Variants in EBF4 observed in about 807,000 individuals in gnomAD.
The protein encoded by EBF4 is EBF transcription factor 4.
In EBF4, 34 loss-of-function variants were observed where a neutral mutation model predicts 67.1. That is an observed-to-expected ratio of 0.51 (90% CI 0.39 to 0.67). The LOEUF is 0.67. Among genes scored for constraint, EBF4 ranks in the 30% least tolerant of loss-of-function variants. EBF4 has a pLI of 0.00. For missense variants in EBF4, 837 were observed against 873.3 expected, an observed-to-expected ratio of 0.96 and a Z score of 0.52; for synonymous variants, 387 against 377.7, an observed-to-expected ratio of 1.02 and a Z score of -0.29.
chr20:2,719,423 C>A (rs1394482816), intron 6 of EBF4, among the ~76,000 whole-genome samples: 1 of 152,130 alleles, frequency 6.6e-6, no homozygotes, highest in Non-Finnish European at 1.5e-5. Context: ...TAAAGGTGCC[C>A]ACCACCACGC....
In EBF4 at chr20:2,697,270, G is replaced by A. The variant is rs540503176; in HGVS notation, c.137+3488G>A. 1.2e-3 allele frequency among the ~76,000 whole-genome samples: 184 copies of A among 152,340 alleles called. 1 individual carries two copies. Among genetic ancestry groups the A allele is most frequent in the Non-Finnish European group, 2.4e-3 (165 of 68,038 alleles). ...GCAAAAGAGGGGTAGGGAGGGCCGG[G>A]TGCGATGGCTCACGCCTGTAATCCC... On this transcript the variant is annotated intron_variant, in intron 1 of 16. Coordinates refer to ENST00000609451, the Ensembl canonical transcript of EBF4.
intron 1 of EBF4, among the ~76,000 whole-genome samples, chr20:2,694,382 T>C (rs533227822): frequency 1.3e-5 from 2 of 152,258 alleles, no homozygotes; most frequent in South Asian, 4.1e-4. Context: ...GTTTTTCTGG[T>C]AGGTCCTTTG....
intron 6 of EBF4, among the ~76,000 whole-genome samples, chr20:2,738,063 G>A (rs189172708): frequency 6.6e-6 from 1 of 152,060 alleles, no homozygotes; most frequent in Non-Finnish European, 1.5e-5. Context: ...CTGGGGATGG[G>A]TCTTTCTCTG....
At chr20:2,736,470 C>T (rs1377359702) in intron 6 of EBF4, among the ~76,000 whole-genome samples, 1 of 152,174 alleles carries the variant, frequency 6.6e-6, no homozygotes, top group Non-Finnish European at 1.5e-5. Flanking sequence ...ATCCACTGGT[C>T]AATGCAACAT....
At chr20:2,705,884 G>A in intron 2 of EBF4, 90 bp from the exon 3 acceptor site, 3 of 1,501,098 alleles carry the variant, frequency 2.0e-6, no homozygotes, top group South Asian at 1.3e-5. Context: ...CTGGAAGGGT[G>A]GGAAAGAAGT....
chr20:2,720,754 T>A (rs1224930576), intron 6 of EBF4, among the ~76,000 whole-genome samples: 1 of 152,224 alleles, frequency 6.6e-6, no homozygotes, highest in Non-Finnish European at 1.5e-5. Flanking sequence ...TCCTTTCTGT[T>A]GATCCAAATT....
chr20:2,733,789 A>G (rs1170631090), intron 6 of EBF4, among the ~76,000 whole-genome samples: 1 of 151,678 alleles, frequency 6.6e-6, no homozygotes, highest in East Asian at 1.9e-4. Flanking sequence ...CACATAAAAT[A>G]CATTAATACT....
rs73606171 is a variant in EBF4, at chr20:2,696,410, T to C, written c.137+2628T>C. On this transcript the variant is annotated intron_variant, in intron 1 of 16. Coordinates refer to ENST00000609451, the Ensembl canonical transcript of EBF4. This position sits in a 1 kb window ranked among gnomAD's most constrained non-coding sequence, Gnocchi z 4.7. ...TTGCTTGAGCCCGGGAGGCAGAGGC[T>C]TCGGTGAGCCAAGATCGCACCACTG... Among the ~76,000 whole-genome samples the C allele has an allele frequency of 0.089, 13,514 of 152,112 alleles. 800 individuals are homozygous for C. Among genetic ancestry groups the C allele is most frequent in the Admixed American group, 0.19 (2,829 of 15,270 alleles).
At chr20:2,759,500 T>C (rs1250320659), downstream of EBF4, 2 of 166,570 alleles carry the variant, frequency 1.2e-5, no homozygotes, top group African/African-American at 2.4e-5. Flanking sequence ...GTGCAGATGC[T>C]CTTGGCAGGA....
chr20:2,724,680 G>T (rs563789262), intron 6 of EBF4, among the ~76,000 whole-genome samples: 1 of 152,288 alleles, frequency 6.6e-6, no homozygotes, highest in African/African-American at 2.4e-5. Flanking sequence ...CGAGGTACAA[G>T]AATCACCTGA....
exon 10 of EBF4, chr20:2,749,877 A>T (rs1370879885): frequency 4.5e-6 from 7 of 1,550,868 alleles, no homozygotes; most frequent in African/African-American, 2.7e-5. Context: ...CCGGGTGCAG[A>T]CGCCCCCGCG....
chr20:2,694,316 C>T (rs1334712137), intron 1 of EBF4, among the ~76,000 whole-genome samples: 1 of 152,158 alleles, frequency 6.6e-6, no homozygotes, highest in African/African-American at 2.4e-5. Context: ...GGGCAGTCGG[C>T]CTGGCTGGAC....
At chr20:2,706,154 A>C in intron 3 of EBF4, 55 bp from the exon 4 acceptor site, 1 of 1,551,270 alleles carries the variant, frequency 6.4e-7, no homozygotes, top group Non-Finnish European at 8.7e-7. Flanking sequence ...TGGTCTGGTC[A>C]TTGAGGCTGC....
intron 6 of EBF4, among the ~76,000 whole-genome samples, chr20:2,737,885 A>G (rs2087911505): frequency 6.6e-6 from 1 of 151,444 alleles, no homozygotes; most frequent in African/African-American, 2.4e-5. Context: ...GAATCACTTG[A>G]ACCCAGGAGG....
intron 6 of EBF4, among the ~76,000 whole-genome samples, chr20:2,709,910 A>AGG (rs2087517744): frequency 2.7e-5 from 1 of 37,348 alleles, no homozygotes; most frequent in African/African-American, 1.0e-4. Context: ...GGAGGTTGAG[A>AGG]GGGGGGTGGG....
At chr20:2,727,027 G>A (rs1487675537) in intron 6 of EBF4, among the ~76,000 whole-genome samples, 1 of 152,102 alleles carries the variant, frequency 6.6e-6, no homozygotes, top group Non-Finnish European at 1.5e-5. Flanking sequence ...GACTCACATA[G>A]CATTTATCTT....
chr20:2,706,886 T>G (rs2087466130), intron 4 of EBF4, among the ~76,000 whole-genome samples: 1 of 152,160 alleles, frequency 6.6e-6, no homozygotes. Flanking sequence ...CCTTGCACCT[T>G]GCTGATGTGA....
intron 14 of EBF4, among the ~76,000 whole-genome samples, chr20:2,754,813 A>C (rs1247193213): frequency 6.6e-6 from 1 of 152,182 alleles, no homozygotes; most frequent in Non-Finnish European, 1.5e-5. Context: ...AAGAGGGGGC[A>C]GGCAAAGTCT....
intron 6 of EBF4, among the ~76,000 whole-genome samples, chr20:2,737,155 C>G (rs970559372): frequency 6.7e-6 from 1 of 150,230 alleles, no homozygotes; most frequent in East Asian, 2.0e-4. Flanking sequence ...GAGGCTGAGG[C>G]AGGAGAATGG....
Sources: gnomAD v4.1 joint callset for allele counts (sites outside exome capture counted in the v4.1 genomes callset) on GRCh38, gnomAD v4.1.1 for gene constraint, Gnocchi (gnomAD v3.1) non-coding constraint, MANE v1.5 for transcripts, NCBI Gene and HGNC (gene_info 2026-07-23, HGNC 2026-07-21) for gene names.